Variants in PPP3CA observed in about 807,000 individuals in gnomAD.
PPP3CA encodes the protein protein phosphatase 3 catalytic subunit alpha.
Under a neutral mutation model 66.5 loss-of-function variants are expected in PPP3CA, and 14 were observed. That is an observed-to-expected ratio of 0.21 (90% CI 0.14 to 0.33). PPP3CA has a LOEUF of 0.33. PPP3CA is among the 10% of genes least tolerant of loss of function. The pLI, the probability that PPP3CA is intolerant of heterozygous loss-of-function variation, is 1.00. For missense variants in PPP3CA, 317 were observed against 639.5 expected (o/e 0.50, Z 5.44); for synonymous variants, 232 against 226.2 (o/e 1.03, Z -0.23).
Position 101,139,250 on chromosome 4 carries a change from G to A in PPP3CA, c.260-30172C>T, listed in dbSNP as rs543544297. Among the ~76,000 whole-genome samples the A allele has an allele frequency of 3.8e-4, 57 of 151,988 alleles. 1 individual carries two copies. In the South Asian group the frequency reaches 6.0e-3, roughly 16 times the overall value. ...TAGTCCCAGCTACTAGGGAGGCTGA[G>A]GCAGGAGAATGGTGTGAACCCAGGA... On this transcript the variant is annotated intron_variant, in intron 2 of 13. Transcript: ENST00000394854.
chr4:101,073,798 G>T (rs1045464770), intron 8 of PPP3CA, among the ~76,000 whole-genome samples: 10 of 152,058 alleles, frequency 6.6e-5, no homozygotes, highest in Admixed American at 1.3e-4. Flanking sequence ...ATGTCTTATT[G>T]TTTTACTTTA....
At chr4:101,226,895 C>T in intron 1 of PPP3CA, among the ~76,000 whole-genome samples, 1 of 151,668 alleles carries the variant, frequency 6.6e-6, no homozygotes, top group East Asian at 1.9e-4. Context: ...GAAAAGAGAA[C>T]AGATTTACAA....
At chr4:101,062,259 A>G (rs1229459857) in intron 9 of PPP3CA, among the ~76,000 whole-genome samples, 1 of 152,028 alleles carries the variant, frequency 6.6e-6, no homozygotes, top group Admixed American at 6.6e-5. Flanking sequence ...TATTGGGAAT[A>G]TTTATCAGAG....
rs975941493 is a variant in PPP3CA, at chr4:101,347,050, G to A, written c.-254C>T. 4.0e-5 allele frequency: 23 copies of A among 576,820 alleles called. No homozygotes were observed. Among genetic ancestry groups the A allele is most frequent in the Non-Finnish European group, 6.1e-5 (20 of 329,428 alleles). 35.7% of individuals were successfully genotyped at this position (576,820 alleles called of 1,614,324 possible). A position where few individuals can be genotyped will look rare whatever the true frequency, so the allele number is the denominator to read the frequency against. On this transcript the variant is annotated 5_prime_UTR_variant, in exon 1 of 14. Transcript: ENST00000394854. Reference sequence around the variant, plus strand: ...CGCCGACTCGCTCCGGGCTGCGCGTGTGTGGTGGTTATTTATTTATTTTCT... The same window carrying A: ...CGCCGACTCGCTCCGGGCTGCGCGTATGTGGTGGTTATTTATTTATTTTCT...
chr4:101,222,321 T>C (rs1382726219), intron 1 of PPP3CA, among the ~76,000 whole-genome samples: 2 of 151,624 alleles, frequency 1.3e-5, no homozygotes, highest in Non-Finnish European at 3.0e-5. Flanking sequence ...ACGCAATTCA[T>C]TTCCCCACAG....
chr4:101,270,893 T>C lies in PPP3CA; in HGVS notation c.59-74777A>G, dbSNP rs1046287278. ...GTGTGACTTTATGAATTTTTAAGAA[T>C]TGTTCCATAAACTACATGTAAAAAT... On this transcript the variant is annotated intron_variant, in intron 1 of 13. Coordinates refer to ENST00000394854, the MANE Select transcript of PPP3CA (RefSeq NM_000944.5). Among the ~76,000 whole-genome samples the C allele has an allele frequency of 5.3e-5, 8 of 152,300 alleles. No homozygotes were observed. In the East Asian group the frequency reaches 7.7e-4, roughly 15 times the overall value.
At chr4:101,159,013 C>T (rs570513397) in intron 2 of PPP3CA, among the ~76,000 whole-genome samples, 1 of 152,236 alleles carries the variant, frequency 6.6e-6, no homozygotes, top group East Asian at 1.9e-4. Flanking sequence ...ACTTAGCTTC[C>T]TCTGGGGGTT....
chr4:101,244,036 T>C (rs190515903), intron 1 of PPP3CA, among the ~76,000 whole-genome samples: 17 of 152,330 alleles, frequency 1.1e-4, no homozygotes, highest in African/African-American at 1.2e-4. Flanking sequence ...ACTGGGATCA[T>C]AGTCTCTAAG....
At chr4:101,270,032 T>C (rs1727288541) in intron 1 of PPP3CA, among the ~76,000 whole-genome samples, 1 of 152,158 alleles carries the variant, frequency 6.6e-6, no homozygotes, top group Non-Finnish European at 1.5e-5. Flanking sequence ...ACATGTGAGA[T>C]GGTAATGAAA....
intron 1 of PPP3CA, among the ~76,000 whole-genome samples, chr4:101,315,700 T>C (rs1442737430): frequency 6.6e-6 from 1 of 152,158 alleles, no homozygotes; most frequent in Non-Finnish European, 1.5e-5. Context: ...TCACAGAAAT[T>C]AAGTCAAAGT....
chr4:101,330,401 A>T (rs373714378), intron 1 of PPP3CA: 17 of 532,648 alleles, frequency 3.2e-5, no homozygotes, highest in Non-Finnish European at 5.8e-5. Context: ...GAAGCAACTC[A>T]AAGGATTTCC....
intron 1 of PPP3CA, among the ~76,000 whole-genome samples, chr4:101,289,038 G>A (rs142887035): frequency 6.7e-6 from 1 of 149,472 alleles, no homozygotes; most frequent in East Asian, 1.9e-4. Flanking sequence ...CTTACTTACC[G>A]GTTTCAATTT....
At chr4:101,080,110 A>C (rs1009483663) in intron 8 of PPP3CA, among the ~76,000 whole-genome samples, 7 of 152,136 alleles carry the variant, frequency 4.6e-5, no homozygotes, top group African/African-American at 1.7e-4. Flanking sequence ...ATACTCAATA[A>C]ATGCAATTCA....
At chr4:101,225,728 T>C (rs1578570739) in intron 1 of PPP3CA, among the ~76,000 whole-genome samples, 1 of 151,658 alleles carries the variant, frequency 6.6e-6, no homozygotes, top group East Asian at 1.9e-4. Context: ...AAAATATACT[T>C]AAGAAATGAT....
At chr4:101,299,605 T>C (rs1321769221) in intron 1 of PPP3CA, among the ~76,000 whole-genome samples, 3 of 152,206 alleles carry the variant, frequency 2.0e-5, no homozygotes, top group Non-Finnish European at 4.4e-5. Flanking sequence ...TATGTGTATA[T>C]ATGTATTTAT....
chr4:101,287,492 A>G (rs986891360), intron 1 of PPP3CA, among the ~76,000 whole-genome samples: 2 of 152,186 alleles, frequency 1.3e-5, no homozygotes, highest in Non-Finnish European at 2.9e-5. Flanking sequence ...GCCTCTGATC[A>G]AAACAGTGGC....
At chr4:101,254,456 AT>A (rs1378990172) in intron 1 of PPP3CA, among the ~76,000 whole-genome samples, 7 of 151,990 alleles carry the variant, frequency 4.6e-5, no homozygotes, top group African/African-American at 1.7e-4. Context: ...AGCAAGAGTC[AT>A]TGATTTGTGA....
chr4:101,029,896 A>AATT (rs1259226766), intron 12 of PPP3CA, among the ~76,000 whole-genome samples: 2 of 151,678 alleles, frequency 1.3e-5, no homozygotes, highest in African/African-American at 2.4e-5. Context: ...CAGCAAGCCC[A>AATT]ATTATGTTTT....
At chr4:101,215,410 T>C (rs968800741) in intron 1 of PPP3CA, among the ~76,000 whole-genome samples, 1 of 152,114 alleles carries the variant, frequency 6.6e-6, no homozygotes, top group Non-Finnish European at 1.5e-5. Context: ...TTTAATTACA[T>C]GCATTATTAT....
Sources: gnomAD v4.1 joint callset for allele counts (sites outside exome capture counted in the v4.1 genomes callset) on GRCh38, gnomAD v4.1.1 for gene constraint, MANE v1.5 for transcripts, NCBI Gene and HGNC (gene_info 2026-07-23, HGNC 2026-07-21) for gene names.